The following LEO1 variants were observed in gnomAD, a reference collection of about 807,000 sequenced individuals.
LEO1 encodes LEO1 component of Paf1/RNA polymerase II complex.
A neutral mutation model predicts 80.4 loss-of-function variants in LEO1; 34 were observed. The ratio of observed to expected loss-of-function variants is 0.42; its 90% CI spans 0.32 to 0.56. The LOEUF (loss-of-function observed/expected upper bound fraction) is 0.56, where lower values mean the gene tolerates loss of function less well. Ranked by LOEUF, LEO1 falls within the 20% of genes least tolerant of loss-of-function variation. The pLI is 0.10. For synonymous variants in LEO1, 262 were observed against 274.9 expected (o/e 0.95, Z 0.46); for missense variants, 631 against 814.2 (o/e 0.77, Z 2.74).
At chr15:51,938,458 T>C (rs1566877375) in intron 11 of LEO1, among the ~76,000 whole-genome samples, 198 bp from the exon 12 acceptor site, 1 of 152,214 alleles carries the variant, frequency 6.6e-6, no homozygotes, top group Non-Finnish European at 1.5e-5. Flanking sequence ...GAGTAGGATG[T>C]GCAGGAAACT....
At chr15:51,959,852 T>C (rs1309691552) in intron 5 of LEO1, 47 bp downstream of exon 5, 4 of 1,480,802 alleles carry the variant, frequency 2.7e-6, no homozygotes, top group Non-Finnish European at 3.6e-6. Context: ...AAACATTCTA[T>C]GTATTTCTAC....
chr15:51,967,693 G>C (rs2057089260), intron 1 of LEO1, among the ~76,000 whole-genome samples: 1 of 152,166 alleles, frequency 6.6e-6, no homozygotes, highest in South Asian at 2.1e-4. Context: ...AGTAACAGCT[G>C]ATTTTTCATC....
intron 11 of LEO1, among the ~76,000 whole-genome samples, chr15:51,943,885 A>G (rs998102491): frequency 6.6e-6 from 1 of 152,148 alleles, no homozygotes; most frequent in Non-Finnish European, 1.5e-5. Context: ...TAGGATCAGC[A>G]GACTTGATGG....
At chr15:51,957,994 G>A (rs1020712454) in intron 6 of LEO1, among the ~76,000 whole-genome samples, 33 of 151,332 alleles carry the variant, frequency 2.2e-4, no homozygotes, top group Admixed American at 1.9e-3. Flanking sequence ...GCCCTCCAGC[G>A]TGGGCGACAC....
intron 1 of LEO1, 91 bp downstream of exon 1, chr15:51,971,597 C>G: frequency 7.3e-7 from 1 of 1,362,566 alleles, no homozygotes. Context: ...AACGCCACCT[C>G]TTGCCCGCGG....
chr15:51,945,226 G>A (rs929905239), intron 11 of LEO1, among the ~76,000 whole-genome samples: 10 of 131,842 alleles, frequency 7.6e-5, no homozygotes, highest in African/African-American at 3.0e-4. Context: ...GGACCAGCCT[G>A]GGCAACATGC....
chr15:51,947,881 A>G (rs1055428852), intron 10 of LEO1, among the ~76,000 whole-genome samples: 57 of 152,350 alleles, frequency 3.7e-4, no homozygotes, highest in African/African-American at 1.4e-3. Context: ...GCGGAAATGA[A>G]GCAGACTTAC....
rs140877763 is a variant in LEO1, at chr15:51,961,496, G to A, written c.920-763C>T. 4.8e-3 allele frequency among the ~76,000 whole-genome samples: 734 copies of A among 151,914 alleles called. 17 individuals are homozygous for A. The highest frequency in any genetic ancestry group is 0.036 in the Admixed American group (554 of 15,254). ...CAACCTCTGCCTCCCGAGCACAAGC[G>A]ATTCTCGTGCCTCAGCCTCCCAAGT... is the stretch of plus-strand genomic sequence containing the variant. On this transcript the variant is annotated intron_variant, in intron 3 of 11. Coordinates refer to ENST00000299601, the MANE Select transcript of LEO1 (RefSeq NM_138792.4).
Position 51,957,710 on chromosome 15 carries a change from C to G in LEO1, c.1245+1032G>C, listed in dbSNP as rs573904705. On this transcript the variant is annotated intron_variant, in intron 6 of 11. Coordinates refer to ENST00000299601, the MANE Select transcript of LEO1 (RefSeq NM_138792.4). ...CAGTGCCTAAAAAATGCCAGACTAT[C>G]CCTTTCTAACAATTTAATAAGGTAC... Among the ~76,000 whole-genome samples the G allele has an allele frequency of 5.3e-5, 8 of 152,138 alleles. No individual in the cohort carries two copies. In the East Asian group the frequency reaches 1.4e-3, roughly 26 times the overall value.
At chr15:51,970,186 T>C (rs1455627773) in intron 1 of LEO1, among the ~76,000 whole-genome samples, 2 of 152,214 alleles carry the variant, frequency 1.3e-5, no homozygotes, top group East Asian at 3.8e-4. Flanking sequence ...AGACAGAGTC[T>C]CACTTTATCA....
At chr15:51,944,865 C>G (rs1360215818) in intron 11 of LEO1, among the ~76,000 whole-genome samples, 1 of 152,042 alleles carries the variant, frequency 6.6e-6, no homozygotes, top group Non-Finnish European at 1.5e-5. Context: ...TCAGAAAAGC[C>G]AGACATTTAA....
chr15:51,969,676 T>C (rs1333718586), intron 1 of LEO1, among the ~76,000 whole-genome samples: 2 of 151,846 alleles, frequency 1.3e-5, no homozygotes, highest in African/African-American at 4.8e-5. Flanking sequence ...ACCTCATCTC[T>C]ACTTAAAATA....
Position 51,953,283 on chromosome 15 carries a change from A to T in LEO1, c.1341-20T>A. The T allele has an allele frequency of 6.2e-7, 1 of 1,611,844 alleles. No individual in the cohort carries two copies. Among genetic ancestry groups the T allele is most frequent in the Non-Finnish European group, 8.5e-7 (1 of 1,179,076 alleles). ...GACATGCTGGAAAGAGAAACATTTCATCTATTAAAGTCATAAAGCTTTCAC... is the reference window on the plus strand; with the variant it reads ...GACATGCTGGAAAGAGAAACATTTCTTCTATTAAAGTCATAAAGCTTTCAC... On this transcript the variant is annotated intron_variant, in intron 7 of 11. Transcript: ENST00000299601.
chr15:51,940,665 G>C (rs2252606), intron 11 of LEO1, among the ~76,000 whole-genome samples: 66,481 of 151,630 alleles, frequency 0.44, 14,803 homozygotes, highest in Admixed American at 0.52. Flanking sequence ...ACCTGTAAAC[G>C]CAGGGCTTTG....
At chr15:51,952,505 A>T (rs548097602) in intron 8 of LEO1, among the ~76,000 whole-genome samples, 1 of 152,178 alleles carries the variant, frequency 6.6e-6, no homozygotes, top group Admixed American at 6.5e-5. Flanking sequence ...CTAAATCATA[A>T]CCAACATTAT....
chr15:51,963,908 A>AAG (rs1419139157), intron 2 of LEO1, among the ~76,000 whole-genome samples: 18 of 150,406 alleles, frequency 1.2e-4, no homozygotes, highest in Non-Finnish European at 2.1e-4. Context: ...AAAAAAAAAA[A>AAG]AAAAAAAAAA....
chr15:51,958,419 T>C (rs1158616792), intron 6 of LEO1, among the ~76,000 whole-genome samples: 1 of 152,174 alleles, frequency 6.6e-6, no homozygotes, highest in Non-Finnish European at 1.5e-5. Context: ...TGTGCCGCTG[T>C]ACTCCATCCT....
chr15:51,954,373 C>A (rs2056972070), intron 7 of LEO1, 108 bp downstream of exon 7: 2 of 696,436 alleles, frequency 2.9e-6, no homozygotes, highest in Middle Eastern at 3.3e-4. Context: ...CAGAGTGAGA[C>A]CCCATTTCTA....
intron 11 of LEO1, among the ~76,000 whole-genome samples, chr15:51,944,266 C>A (rs2623293): frequency 0.056 from 8,524 of 152,138 alleles, 575 homozygotes; most frequent in African/African-American, 0.14. Context: ...GGCTTCTCAT[C>A]AGAACAATGG....
Sources: allele counts gnomAD v4.1 joint callset (sites outside exome capture counted in the v4.1 genomes callset), GRCh38; gene constraint gnomAD v4.1.1; transcripts MANE v1.5; gene names NCBI Gene and HGNC (gene_info 2026-07-23, HGNC 2026-07-21).